INSC: variants seen among roughly 807,000 people sequenced by gnomAD.
INSC encodes protein inscuteable homolog.
In INSC, 67 loss-of-function variants were observed where a neutral mutation model predicts 58.6. The ratio of observed to expected loss-of-function variants is 1.14; its 90% CI spans 0.94 to 1.40. The LOEUF (loss-of-function observed/expected upper bound fraction) is 1.40, where lower values mean the gene tolerates loss of function less well. Ranked by LOEUF, INSC falls within the 40% of genes most tolerant of loss-of-function variation. The pLI, the probability that INSC is intolerant of heterozygous loss-of-function variation, is 0.00. For synonymous variants in INSC, 262 were observed against 276.1 expected (o/e 0.95, Z 0.51); for missense variants, 714 against 692.0 (o/e 1.03, Z -0.36).
At position 15,235,598 on chromosome 11, in the gene INSC, C is replaced by G. The variant is rs781617877; in HGVS notation, c.1171-4C>G. The G allele has an allele frequency of 6.2e-7, 1 of 1,612,928 alleles. No homozygotes were observed. The highest frequency in any genetic ancestry group is 1.1e-5 in the South Asian group (1 of 91,060). On this transcript the variant is annotated splice_region_variant and splice_polypyrimidine_tract_variant and intron_variant, in intron 9 of 12. Coordinates refer to ENST00000379556, the MANE Select transcript of INSC (RefSeq NM_001042536.3). ...TTCTGAGGTTTCTAAATTATCTTTTCCAGATTGTGACCATCTTGGCAAACA... is the reference window on the plus strand; with the variant it reads ...TTCTGAGGTTTCTAAATTATCTTTTGCAGATTGTGACCATCTTGGCAAACA...
At chr11:15,178,199 C>A in intron 4 of INSC, 125 bp from the exon 5 acceptor site, 1 of 1,280,104 alleles carries the variant, frequency 7.8e-7, no homozygotes, top group Non-Finnish European at 1.1e-6. Context: ...CCATCTCTGA[C>A]TCCCAGTTGC....
rs1381403841 is a variant in INSC, at chr11:15,239,073, C to T, written c.1392C>T (p.Ser464=). The change falls in exon 11 of 13, where the codon AGC becomes AGT. Residue 464 remains serine, a splice_region_variant and synonymous_variant. Coordinates refer to ENST00000379556, the MANE Select transcript of INSC (RefSeq NM_001042536.3). ...TGGCACGGGAGGCCGTGCGGCTCAG[C>T]TGTGAGTGGTGCTTTCTGGCTGTGG... is the stretch of plus-strand genomic sequence containing the variant. The part of the protein sequence containing the change: ...PDVAREAVRL[S]CMSRLIELCR... 1.2e-6 allele frequency: 2 copies of T among 1,610,126 alleles called. No homozygotes were observed. The highest frequency in any genetic ancestry group is 1.3e-5 in the African/African-American group (1 of 75,010).
intron 10 of INSC, among the ~76,000 whole-genome samples, chr11:15,236,421 T>C (rs774496799): frequency 3.3e-5 from 5 of 152,162 alleles, no homozygotes; most frequent in African/African-American, 7.2e-5. Flanking sequence ...GTTCCTATCT[T>C]ATTGGATTTG....
chr11:15,259,366 A>C, the INSC span, among the ~76,000 whole-genome samples: 1 of 152,182 alleles, frequency 6.6e-6, no homozygotes, highest in Admixed American at 6.5e-5. Context: ...AAATTAAAAG[A>C]ATTCTATTGT....
chr11:15,202,853 A>G (rs1850648034), intron 7 of INSC, among the ~76,000 whole-genome samples: 1 of 152,162 alleles, frequency 6.6e-6, no homozygotes, highest in Admixed American at 6.5e-5. Flanking sequence ...TTTTCCTTTC[A>G]CCTATCTGAT....
Position 15,240,151 on chromosome 11 carries a change from T to C in INSC, c.1394-296T>C, listed in dbSNP as rs117345644. 3.2e-4 allele frequency among the ~76,000 whole-genome samples: 49 copies of C among 152,316 alleles called. 2 individuals are homozygous for C. In the East Asian group the frequency reaches 8.7e-3, roughly 27 times the overall value. On this transcript the variant is annotated intron_variant, in intron 11 of 12. Coordinates refer to ENST00000379556, the MANE Select transcript of INSC (RefSeq NM_001042536.3). ...TTTATTTTATTTTAGCCACAGTATA[T>C]TTTCTGATTGAAATTGGCACTTGAG... is the stretch of plus-strand genomic sequence containing the variant.
chr11:15,230,031 TATATATATAA>T (rs1851865853), intron 9 of INSC, among the ~76,000 whole-genome samples: 1 of 71,312 alleles, frequency 1.4e-5, no homozygotes, highest in Non-Finnish European at 2.6e-5. Context: ...TATATATATA[TATATATATAA>T]AAGCCAGGCA....
intron 6 of INSC, among the ~76,000 whole-genome samples, chr11:15,194,305 C>T (rs894482031): frequency 1.1e-4 from 17 of 152,160 alleles, no homozygotes; most frequent in African/African-American, 3.9e-4. Context: ...ACTTAAGATG[C>T]TAGTCACAGG....
At chr11:15,198,560 C>G (rs1290709735) in intron 6 of INSC, among the ~76,000 whole-genome samples, 1 of 152,106 alleles carries the variant, frequency 6.6e-6, no homozygotes, top group Non-Finnish European at 1.5e-5. Context: ...ATGTAAATGT[C>G]TCTCAATCAG....
chr11:15,130,002 C>A (rs1388699967), intron 1 of INSC, among the ~76,000 whole-genome samples: 1 of 152,224 alleles, frequency 6.6e-6, no homozygotes, highest in African/African-American at 2.4e-5. Context: ...TGCTGTTATG[C>A]ACAGGCAGAT....
chr11:15,180,950 T>A (rs1849756896), intron 5 of INSC, among the ~76,000 whole-genome samples: 1 of 152,214 alleles, frequency 6.6e-6, no homozygotes, highest in Admixed American at 6.5e-5. Context: ...ACAGGGTAAC[T>A]TGTGTTCAGT....
At chr11:15,192,538 T>G (rs1160536479) in intron 6 of INSC, among the ~76,000 whole-genome samples, 1 of 152,246 alleles carries the variant, frequency 6.6e-6, no homozygotes, top group Admixed American at 6.5e-5. Flanking sequence ...GTCATCTCTG[T>G]GTCCTTAGTG....
intron 9 of INSC, among the ~76,000 whole-genome samples, chr11:15,233,835 G>T (rs1190667789): frequency 6.6e-6 from 1 of 152,060 alleles, no homozygotes; most frequent in African/African-American, 2.4e-5. Flanking sequence ...CTGTGTGGTG[G>T]AAACAGAGTC....
At chr11:15,265,108 T>C in the INSC span, among the ~76,000 whole-genome samples, 12 of 152,232 alleles carry the variant, frequency 7.9e-5, no homozygotes, top group African/African-American at 2.6e-4. Flanking sequence ...TATAGATCAG[T>C]AGTAAATGCT....
chr11:15,182,919 C>T (rs533650478), intron 5 of INSC, among the ~76,000 whole-genome samples: 6 of 152,222 alleles, frequency 3.9e-5, no homozygotes, highest in African/African-American at 1.2e-4. Flanking sequence ...CATTGCCTTG[C>T]CATACAAAAA....
upstream of INSC, chr11:15,114,910 C>A (rs1044225614): frequency 4.0e-5 from 39 of 984,876 alleles, no homozygotes; most frequent in Non-Finnish European, 4.5e-5. Context: ...CGGGCTGGGC[C>A]GGCAGAGCGG....
At chr11:15,179,425 C>G (rs1849684396) in intron 5 of INSC, among the ~76,000 whole-genome samples, 1 of 152,218 alleles carries the variant, frequency 6.6e-6, no homozygotes, top group African/African-American at 2.4e-5. Flanking sequence ...TAACAAATCT[C>G]TTTCCATGTC....
At chr11:15,210,772 G>A (rs964731224) in intron 7 of INSC, among the ~76,000 whole-genome samples, 5 of 152,108 alleles carry the variant, frequency 3.3e-5, no homozygotes, top group Non-Finnish European at 7.3e-5. Context: ...CTTCTGGAGT[G>A]GGGCAAGTGC....
chr11:15,191,240 A>G (rs1850165080), intron 6 of INSC, among the ~76,000 whole-genome samples: 1 of 152,018 alleles, frequency 6.6e-6, no homozygotes, highest in Non-Finnish European at 1.5e-5. Context: ...CGGCCTCCCA[A>G]AGTGCTGGGA....
Sources: gnomAD v4.1 joint callset for allele counts (sites outside exome capture counted in the v4.1 genomes callset) on GRCh38, gnomAD v4.1.1 for gene constraint, MANE v1.5 for transcripts, NCBI Gene and HGNC (gene_info 2026-07-23, HGNC 2026-07-21) for gene names.